RNF113B: variants seen among roughly 807,000 people sequenced by gnomAD.
The protein encoded by RNF113B is zinc finger protein 183-like 1.
Under a neutral mutation model 22.2 loss-of-function variants are expected in RNF113B, and 12 were observed. The ratio of observed to expected loss-of-function variants is 0.54; its 90% CI spans 0.35 to 0.87. The LOEUF is 0.87. Among genes scored for constraint, RNF113B ranks in the 40% least tolerant of loss-of-function variants. The probability of loss-of-function intolerance (pLI) is 0.01; values close to 1 mark genes in which losing one functional copy is unlikely to be tolerated. For missense variants in RNF113B, 442 were observed against 455.4 expected (o/e 0.97, Z 0.27); for synonymous variants, 194 against 184.6 (o/e 1.05, Z -0.41).
rs1411230392 is a variant in RNF113B, at chr13:98,177,077, C to T, written c.160G>A (p.Asp54Asn). Residue 54 changes from aspartate to asparagine, a missense_variant, in exon 1 of 2, where the codon GAC (aspartate) becomes AAC (asparagine). Coordinates refer to ENST00000267291, the MANE Select transcript of RNF113B (RefSeq NM_178861.5). Reference sequence around the variant, plus strand: ...ACCCGCGGGGGCTGAGCCACTGTGTCGCCCTCGTCCCCGCTGCTGCTGCTC... The same window carrying T: ...ACCCGCGGGGGCTGAGCCACTGTGTTGCCCTCGTCCCCGCTGCTGCTGCTC... ...GESSSSGDEG[D>N]TVAQPPRVAP... 4 of 1,597,190 alleles carry T rather than the reference C, an allele frequency of 2.5e-6. No homozygotes were observed. Among genetic ancestry groups the T allele is most frequent in the African/African-American group, 1.3e-5 (1 of 74,842 alleles).
rs1464697860 is a variant in RNF113B at position 98,177,206 on chromosome 13, C to T, written c.31G>A (p.Ala11Thr). 1 of 1,571,610 alleles carries T rather than the reference C, an allele frequency of 6.4e-7. No homozygotes were observed. The highest frequency in any genetic ancestry group is 1.2e-5 in the South Asian group (1 of 86,956). MAAPPSPGRT[A>T]DQADQVCTFL... ...GTGCATACCTGGTCTGCTTGGTCGG[C>T]CGTCCTTCCTGGAGAAGGTGGCGCT... is the stretch of plus-strand genomic sequence containing the variant. The change falls in exon 1 of 2, where the codon GCC becomes ACC. Residue 11 changes from alanine (A) to threonine (T), a missense_variant. Ala to Thr is a moderately conservative substitution (Grantham distance 58). Transcript: ENST00000267291.
rs765062045 is a variant in RNF113B at position 98,176,801 on chromosome 13, TGTG to T, written c.433_435del (p.His145del). 1.2e-6 allele frequency: 2 copies of T among 1,613,178 alleles called. No homozygotes were observed. The highest frequency in any genetic ancestry group is 1.7e-5 in the Admixed American group (1 of 59,954). On this transcript the variant is annotated inframe_deletion, in exon 1 of 2. Transcript: ENST00000267291. This position sits in a 1 kb window ranked among gnomAD's most constrained non-coding sequence, Gnocchi z 6.2. ...AGGTAGCTGTGGATTCCCCGGTAGA[TGTG>T]GTCGTGCTCCCGACCCCGCAGTGCC... is the stretch of plus-strand genomic sequence containing the variant.
Position 98,177,047 on chromosome 13 carries a change from G to C in RNF113B, c.190C>G (p.Pro64Ala). The C allele has an allele frequency of 6.3e-7, 1 of 1,594,194 alleles. No individual in the cohort carries two copies. Among genetic ancestry groups the C allele is most frequent in the Non-Finnish European group, 8.5e-7 (1 of 1,177,176 alleles). The part of the protein sequence containing the change: ...DTVAQPPRVA[P>A]RPRGLHSWQK... ...CAGCTGTGGAGGCCCCGGGGCCTCG[G>C]TGCCACCCGCGGGGGCTGAGCCACT... The change falls in exon 1 of 2, where the codon CCG becomes GCG. Residue 64 changes from proline to alanine, a missense_variant. By Grantham distance (27) the Pro-to-Ala change is conservative. Coordinates refer to ENST00000267291, the MANE Select transcript of RNF113B (RefSeq NM_178861.5).
In RNF113B at chr13:98,175,905, C is replaced by G. The variant is rs1300761862; in HGVS notation, c.*258G>C. ...TAAAAGGATTTCCTTCCCGTTAAGG[C>G]TTAATAGCATTCCATTGTGTGTGTG... On this transcript the variant is annotated 3_prime_UTR_variant, in exon 2 of 2. Transcript: ENST00000267291. 1 of 506,756 alleles carries G rather than the reference C, an allele frequency of 2.0e-6. No homozygotes were observed. The highest frequency in any genetic ancestry group is 3.5e-6 in the Non-Finnish European group (1 of 286,048). 31.4% of individuals were successfully genotyped at this position (506,756 alleles called of 1,614,324 possible). A position where few individuals can be genotyped will look rare whatever the true frequency, so the allele number is the denominator to read the frequency against.
rs766765934 is a variant in RNF113B, at chr13:98,176,981, C to A, written c.256G>T (p.Ala86Ser). ...AHGDRRGEEA[A>S]PESLDVVYRS... The stretch of plus-strand genomic sequence containing the variant: ...TACACCACGTCGAGGCTCTCAGGCG[C>A]CGCCTCCTCGCCCCTCCTGTCGCCG... The change falls in exon 1 of 2, where the codon GCG becomes TCG. Residue 86 changes from alanine (A) to serine (S), a missense_variant. Ala to Ser is a moderately conservative substitution (Grantham distance 99). Coordinates refer to ENST00000267291, the MANE Select transcript of RNF113B (RefSeq NM_178861.5). The surrounding 1 kb of genome is among the most constrained non-coding windows in gnomAD (Gnocchi z 6.2). 1 of 1,599,688 alleles carries A rather than the reference C, an allele frequency of 6.3e-7. No individual in the cohort carries two copies. The highest frequency in any genetic ancestry group is 8.5e-7 in the Non-Finnish European group (1 of 1,179,678).
At position 98,176,583 on chromosome 13, in the gene RNF113B, G is replaced by GT. The variant is rs1878055847; in HGVS notation, c.653_654insA (p.Asp219ArgfsTer9). ...CAATCTCCCACCCGAGCTTGTAATC[G>GT]GAACGGTCGTGGAGGAATTTGCAGC... On this transcript the variant is annotated frameshift_variant, in exon 1 of 2. Transcript: ENST00000267291. LOFTEE classifies it high-confidence loss of function. This position sits in a 1 kb window ranked among gnomAD's most constrained non-coding sequence, Gnocchi z 6.2. The GT allele has an allele frequency of 6.2e-7, 1 of 1,614,086 alleles. No homozygotes were observed. Among genetic ancestry groups the GT allele is most frequent in the Non-Finnish European group, 8.5e-7 (1 of 1,180,054 alleles).
chr13:98,176,760 G>A lies in RNF113B; in HGVS notation c.477C>T (p.Pro159=). The A allele has an allele frequency of 1.9e-6, 3 of 1,614,006 alleles. No individual in the cohort carries two copies. The South Asian group carries it at 3.3e-5, about 18-fold the overall frequency. ...GIHSYLRYLK[P]KDTSMGNSSS... is the part of the protein sequence containing the mutation. Reference sequence around the variant, plus strand: ...AGGAGTTGCCCATGGACGTGTCCTTGGGCTTCAGGTACCTCAGGTAGCTGT... The same window carrying A: ...AGGAGTTGCCCATGGACGTGTCCTTAGGCTTCAGGTACCTCAGGTAGCTGT... Residue 159 remains proline (P), a synonymous_variant, in exon 1 of 2, where the codon CCC becomes CCT. Transcript: ENST00000267291. This position sits in a 1 kb window ranked among gnomAD's most constrained non-coding sequence, Gnocchi z 6.2.
rs763203117 is a variant in RNF113B, at chr13:98,177,084, G to A, written c.153C>T (p.Asp51=). ...GGGGCTGAGCCACTGTGTCGCCCTC[G>A]TCCCCGCTGCTGCTGCTCTCTCCGT... ...PEHGESSSSG[D]EGDTVAQPPR... The change falls in exon 1 of 2, where the codon GAC becomes GAT. Residue 51 remains aspartate, a synonymous_variant. Transcript: ENST00000267291. 9.4e-6 allele frequency: 15 copies of A among 1,598,440 alleles called. No individual in the cohort carries two copies. The highest frequency in any genetic ancestry group is 1.0e-5 in the Non-Finnish European group (12 of 1,179,272).
Position 98,176,986 on chromosome 13 carries a change from TC to T in RNF113B, c.250del (p.Glu84ArgfsTer71). On this transcript the variant is annotated frameshift_variant, in exon 1 of 2. Transcript: ENST00000267291. LOFTEE classifies it high-confidence loss of function. The surrounding 1 kb of genome is among the most constrained non-coding windows in gnomAD (Gnocchi z 6.2). ...CACGTCGAGGCTCTCAGGCGCCGCC[TC>T]CTCGCCCCTCCTGTCGCCGTGAGCC... is the stretch of plus-strand genomic sequence containing the variant. The part of the protein sequence containing the change: ...KAAHGDRRGE[E>X]AAPESLDVVY... 4.4e-6 allele frequency: 7 copies of T among 1,598,914 alleles called. No individual in the cohort carries two copies. Among genetic ancestry groups the T allele is most frequent in the Non-Finnish European group, 5.9e-6 (7 of 1,179,398 alleles).
At position 98,176,141 on chromosome 13, in the gene RNF113B, T is replaced by C. The variant is rs778664498; in HGVS notation, c.*22A>G. On this transcript the variant is annotated 3_prime_UTR_variant, in exon 2 of 2. Coordinates refer to ENST00000267291, the MANE Select transcript of RNF113B (RefSeq NM_178861.5). The surrounding 1 kb of genome is among the most constrained non-coding windows in gnomAD (Gnocchi z 6.2). The stretch of plus-strand genomic sequence containing the variant: ...CTCAACAGGCTGCTTCTCCCCAGTG[T>C]ACATACAGACTTGAGTCTTTCTTAT... The C allele has an allele frequency of 1.2e-6, 2 of 1,600,102 alleles. No individual in the cohort carries two copies. The highest frequency in any genetic ancestry group is 2.2e-5 in the South Asian group (2 of 90,296).
At position 98,176,916 on chromosome 13, in the gene RNF113B, G is replaced by T; in HGVS notation, c.321C>A (p.Asp107Glu). The T allele has an allele frequency of 1.2e-6, 2 of 1,605,312 alleles. No homozygotes were observed. The highest frequency in any genetic ancestry group is 8.5e-7 in the Non-Finnish European group (1 of 1,179,926). ...TRSAKPVGPE[D>E]MGATADFEQD... ...GCTCGAAGTCAGCGGTGGCCCCCAT[G>T]TCCTCTGGCCCCACAGGCTTCGCCG... The change falls in exon 1 of 2, where the codon GAC (aspartate) becomes GAA (glutamate). Residue 107 changes from aspartate (D) to glutamate (E), a missense_variant. Asp to Glu is a conservative substitution (Grantham distance 45). Coordinates refer to ENST00000267291, the MANE Select transcript of RNF113B (RefSeq NM_178861.5). The surrounding 1 kb of genome is among the most constrained non-coding windows in gnomAD (Gnocchi z 6.2).
Position 98,176,063 on chromosome 13 carries a change from G to T in RNF113B, c.*100C>A. The T allele has an allele frequency of 9.6e-7, 1 of 1,037,044 alleles. No individual in the cohort carries two copies. The highest frequency in any genetic ancestry group is 1.5e-6 in the Non-Finnish European group (1 of 676,076). 64.2% of individuals were successfully genotyped at this position (1,037,044 alleles called of 1,614,324 possible). ...TTGAGATCCGGATTTCAATTCTTTT[G>T]GTTACATACTCAGGCATGGGATTGC... On this transcript the variant is annotated 3_prime_UTR_variant, in exon 2 of 2. Transcript: ENST00000267291. This position sits in a 1 kb window ranked among gnomAD's most constrained non-coding sequence, Gnocchi z 6.2.
rs775668067 is a variant in RNF113B at position 98,177,080 on chromosome 13, C to T, written c.157G>A (p.Gly53Ser). The T allele has an allele frequency of 5.6e-6, 9 of 1,597,948 alleles. No individual in the cohort carries two copies. In the South Asian group the frequency reaches 7.7e-5, roughly 14 times the overall value. Residue 53 changes from glycine to serine, a missense_variant, in exon 1 of 2, where the codon GGC becomes AGC. Gly to Ser is a moderately conservative substitution (Grantham distance 56). Transcript: ENST00000267291. ...CGCGGGGGCTGAGCCACTGTGTCGC[C>T]CTCGTCCCCGCTGCTGCTGCTCTCT... ...HGESSSSGDE[G>S]DTVAQPPRVA...
At position 98,175,869 on chromosome 13, in the gene RNF113B, G is replaced by C; in HGVS notation, c.*294C>G. The stretch of plus-strand genomic sequence containing the variant: ...TAGCATGTGATCCTTAAAAGGATCA[G>C]TTTAAATCTTTAAAAGGATTTCCTT... On this transcript the variant is annotated 3_prime_UTR_variant, in exon 2 of 2. Coordinates refer to ENST00000267291, the MANE Select transcript of RNF113B (RefSeq NM_178861.5). The C allele has an allele frequency of 2.4e-6, 1 of 410,718 alleles. No individual in the cohort carries two copies. Among genetic ancestry groups the C allele is most frequent in the Admixed American group, 4.1e-5 (1 of 24,184 alleles). 25.4% of individuals were successfully genotyped at this position (410,718 alleles called of 1,614,324 possible).
Position 98,177,051 on chromosome 13 carries a change from C to T in RNF113B, c.186G>A (p.Val62=). 6.3e-7 allele frequency: 1 copy of T among 1,594,276 alleles called. No homozygotes were observed. Among genetic ancestry groups the T allele is most frequent in the Non-Finnish European group, 8.5e-7 (1 of 1,177,280 alleles). Residue 62 remains valine, a synonymous_variant, in exon 1 of 2, where the codon GTG becomes GTA. Transcript: ENST00000267291. ...EGDTVAQPPR[V]APRPRGLHSW... ...TGTGGAGGCCCCGGGGCCTCGGTGCCACCCGCGGGGGCTGAGCCACTGTGT... is the reference window on the plus strand; with the variant it reads ...TGTGGAGGCCCCGGGGCCTCGGTGCTACCCGCGGGGGCTGAGCCACTGTGT...
rs773837308 is a variant in RNF113B at position 98,176,976 on chromosome 13, A to G, written c.261T>C (p.Pro87=). Reference sequence around the variant, plus strand: ...ACCTGTACACCACGTCGAGGCTCTCAGGCGCCGCCTCCTCGCCCCTCCTGT... The same window carrying G: ...ACCTGTACACCACGTCGAGGCTCTCGGGCGCCGCCTCCTCGCCCCTCCTGT... ...HGDRRGEEAA[P]ESLDVVYRST... The change falls in exon 1 of 2, where the codon CCT becomes CCC. Residue 87 remains proline (P), a synonymous_variant. Transcript: ENST00000267291. The surrounding 1 kb of genome is among the most constrained non-coding windows in gnomAD (Gnocchi z 6.2). The G allele has an allele frequency of 6.9e-5, 111 of 1,599,672 alleles. No homozygotes were observed. The East Asian group carries it at 2.2e-3, about 32-fold the overall frequency.
In RNF113B at chr13:98,176,326, G is replaced by T; in HGVS notation, c.911C>A (p.Ala304Asp). 6.2e-7 allele frequency: 1 copy of T among 1,613,590 alleles called. No individual in the cohort carries two copies. Among genetic ancestry groups the T allele is most frequent in the Non-Finnish European group, 8.5e-7 (1 of 1,179,532 alleles). Residue 304 changes from alanine to aspartate, a missense_variant, in exon 1 of 2, where the codon GCC becomes GAC. Coordinates refer to ENST00000267291, the MANE Select transcript of RNF113B (RefSeq NM_178861.5). The surrounding 1 kb of genome is among the most constrained non-coding windows in gnomAD (Gnocchi z 6.2). ...TTGCAGTTTCGCCATCAGTTCTTTGGCGGGGTTAAAGATGCCGCCGGTTGG... is the reference window on the plus strand; with the variant it reads ...TTGCAGTTTCGCCATCAGTTCTTTGTCGGGGTTAAAGATGCCGCCGGTTGG... ...DQPTGGIFNP[A>D]KELMAKLQKL... is the part of the protein sequence containing the mutation.
chr13:98,176,028 A>G lies in RNF113B; in HGVS notation c.*135T>C, dbSNP rs1298752836. 1.2e-6 allele frequency: 1 copy of G among 812,910 alleles called. No homozygotes were observed. Among genetic ancestry groups the G allele is most frequent in the Non-Finnish European group, 2.0e-6 (1 of 493,292 alleles). The allele number at this position is 812,910 out of a possible 1,614,324, so 50.4% of individuals were successfully genotyped here. A position where few individuals can be genotyped will look rare whatever the true frequency, so the allele number is the denominator to read the frequency against. ...AATTCTGCAGTGAACATGGGAGTGC[A>G]CATACCTCTTTGAGATCCGGATTTC... is the stretch of plus-strand genomic sequence containing the variant. On this transcript the variant is annotated 3_prime_UTR_variant, in exon 2 of 2. Coordinates refer to ENST00000267291, the MANE Select transcript of RNF113B (RefSeq NM_178861.5). The surrounding 1 kb of genome is among the most constrained non-coding windows in gnomAD (Gnocchi z 6.2).
chr13:98,176,138 G>A lies in RNF113B; in HGVS notation c.*25C>T, dbSNP rs1229380987. The A allele has an allele frequency of 6.3e-7, 1 of 1,597,052 alleles. No homozygotes were observed. The highest frequency in any genetic ancestry group is 1.7e-5 in the Admixed American group (1 of 59,740). On this transcript the variant is annotated 3_prime_UTR_variant, in exon 2 of 2. Coordinates refer to ENST00000267291, the MANE Select transcript of RNF113B (RefSeq NM_178861.5). The surrounding 1 kb of genome is among the most constrained non-coding windows in gnomAD (Gnocchi z 6.2). ...TTACTCAACAGGCTGCTTCTCCCCAGTGTACATACAGACTTGAGTCTTTCT... is the reference window on the plus strand; with the variant it reads ...TTACTCAACAGGCTGCTTCTCCCCAATGTACATACAGACTTGAGTCTTTCT...
Sources: allele counts gnomAD v4.1 joint callset, GRCh38; gene constraint gnomAD v4.1.1; non-coding constraint Gnocchi (gnomAD v3.1); transcripts MANE v1.5; gene names NCBI Gene and HGNC (gene_info 2026-07-23, HGNC 2026-07-21).